Variants in CENPP observed in about 807,000 individuals in gnomAD.
The protein encoded by CENPP is centromere protein P.
In CENPP, 24 loss-of-function variants were observed where a neutral mutation model predicts 35.6. The ratio of observed to expected loss-of-function variants is 0.67; its 90% CI spans 0.49 to 0.95. The LOEUF (loss-of-function observed/expected upper bound fraction) is 0.95. Ranked by LOEUF, CENPP falls within the 40% of genes least tolerant of loss-of-function variation. CENPP has a pLI of 0.00. For synonymous variants in CENPP, 120 were observed against 125.5 expected (o/e 0.96, Z 0.29); for missense variants, 332 against 345.3 (o/e 0.96, Z 0.31).
chr9:92,411,934 C>T (rs909538334), intron 5 of CENPP, among the ~76,000 whole-genome samples: 1 of 152,018 alleles, frequency 6.6e-6, no homozygotes, highest in African/African-American at 2.4e-5. Context: ...TAGTCACTGC[C>T]GCTTTAGCAT....
intron 4 of CENPP, 124 bp from the exon 5 acceptor site, chr9:92,379,639 A>T: frequency 3.2e-6 from 2 of 622,720 alleles, no homozygotes; most frequent in Non-Finnish European, 5.7e-6. Context: ...GCAAGAATTG[A>T]TATGTAGAAC....
intron 5 of CENPP, among the ~76,000 whole-genome samples, chr9:92,441,185 GTTAAAA>G (rs1844378084): frequency 6.6e-6 from 1 of 152,144 alleles, no homozygotes; most frequent in Non-Finnish European, 1.5e-5. Context: ...TAACTACAGT[GTTAAAA>G]TTAATCAAGC....
At chr9:92,609,730 T>G (rs186952329) in intron 5 of CENPP, among the ~76,000 whole-genome samples, 76 of 152,340 alleles carry the variant, frequency 5.0e-4, no homozygotes, top group African/African-American at 1.6e-3. Context: ...AAAGACATTT[T>G]TGTGTGTGTG....
chr9:92,595,697 C>G (rs1241976788), intron 5 of CENPP, among the ~76,000 whole-genome samples: 1 of 151,998 alleles, frequency 6.6e-6, no homozygotes, highest in Non-Finnish European at 1.5e-5. Context: ...TCCCAAGTAG[C>G]TGGGATGACA....
At chr9:92,379,680 A>T in intron 4 of CENPP, 83 bp from the exon 5 acceptor site, 1 of 1,064,516 alleles carries the variant, frequency 9.4e-7, no homozygotes, top group Non-Finnish European at 1.4e-6. Flanking sequence ...AGTGTAGGAT[A>T]CATGAAAAGG....
intron 5 of CENPP, among the ~76,000 whole-genome samples, chr9:92,407,941 C>T (rs1044714757): frequency 6.6e-6 from 1 of 151,948 alleles, no homozygotes; most frequent in African/African-American, 2.4e-5. Flanking sequence ...CAAAAGTGTA[C>T]CATTTGTCTG....
intron 5 of CENPP, among the ~76,000 whole-genome samples, chr9:92,605,002 G>A (rs1851036291): frequency 6.6e-6 from 1 of 151,094 alleles, no homozygotes; most frequent in Admixed American, 6.6e-5. Context: ...CTTTTTTTGA[G>A]ACAACAGAAT....
chr9:92,426,486 T>TAA (rs1843970695), intron 5 of CENPP, among the ~76,000 whole-genome samples: 1 of 152,132 alleles, frequency 6.6e-6, no homozygotes, highest in Non-Finnish European at 1.5e-5. Context: ...GTCTCTGTTA[T>TAA]AGAGAAGGAA....
In CENPP at chr9:92,615,901, T is replaced by G. The variant is rs755845398; in HGVS notation, c.*2752T>G. 6.2e-7 allele frequency: 1 copy of G among 1,614,208 alleles called. No individual in the cohort carries two copies. Among genetic ancestry groups the G allele is most frequent in the Non-Finnish European group, 8.5e-7 (1 of 1,180,038 alleles). ...ACCGAGTCGACATCACGGCGTTGTCTTTGGCACGTACAGTCTTTGAATAAT... is the reference window on the plus strand; with the variant it reads ...ACCGAGTCGACATCACGGCGTTGTCGTTGGCACGTACAGTCTTTGAATAAT... On this transcript the variant is annotated 3_prime_UTR_variant, in exon 8 of 8. Coordinates refer to ENST00000375587, the MANE Select transcript of CENPP (RefSeq NM_001012267.3).
chr9:92,325,708 G>C (rs571626644), upstream of CENPP: 1 of 368,836 alleles, frequency 2.7e-6, no homozygotes, highest in East Asian at 5.3e-5. Context: ...AGGGTGAGCA[G>C]CGGAGCGCTT....
In CENPP at chr9:92,518,002, G is replaced by A; in HGVS notation, c.565-93312G>A. On this transcript the variant is annotated intron_variant, in intron 5 of 7. Transcript: ENST00000375587. ...AGAATAGAATTCTATGTGCATTCAT[G>A]TATAGGGTAAAGATGTCGTATAGAC... 4 of 1,098,156 alleles carry A rather than the reference G, an allele frequency of 3.6e-6. No homozygotes were observed. In the Middle Eastern group the frequency reaches 6.9e-4, roughly 191 times the overall value. 68.0% of individuals were successfully genotyped at this position (1,098,156 alleles called of 1,614,324 possible). A position where few individuals can be genotyped will look rare whatever the true frequency, so the allele number is the denominator to read the frequency against.
chr9:92,619,818 G>A lies in CENPP; in HGVS notation c.*6669G>A. ...TGACCTCTCACGGCAAGCAGTGTGG[G>A]ACCCCGACTCCAGACCCTGAGACGG... On this transcript the variant is annotated 3_prime_UTR_variant, in exon 8 of 8. Transcript: ENST00000375587. 1.9e-6 allele frequency: 1 copy of A among 528,922 alleles called. No homozygotes were observed. The highest frequency in any genetic ancestry group is 3.4e-6 in the Non-Finnish European group (1 of 290,952). 32.8% of individuals were successfully genotyped at this position (528,922 alleles called of 1,614,324 possible).
intron 5 of CENPP, among the ~76,000 whole-genome samples, chr9:92,435,362 T>G (rs959340825): frequency 3.3e-5 from 5 of 152,196 alleles, no homozygotes; most frequent in Non-Finnish European, 7.3e-5. Context: ...TTATTTCAAT[T>G]TCATTATTGA....
At chr9:92,391,300 G>A (rs546651732) in intron 5 of CENPP, among the ~76,000 whole-genome samples, 6 of 152,000 alleles carry the variant, frequency 3.9e-5, no homozygotes, top group African/African-American at 1.4e-4. Context: ...CCAGCTACTC[G>A]GGAAGCTGAG....
Position 92,615,419 on chromosome 9 carries a change from A to T in CENPP, c.*2270A>T, listed in dbSNP as rs552252219. 3.4e-5 allele frequency: 6 copies of T among 175,812 alleles called. No homozygotes were observed. Among genetic ancestry groups the T allele is most frequent in the African/African-American group, 1.4e-4 (6 of 41,786 alleles). 10.9% of individuals were successfully genotyped at this position (175,812 alleles called of 1,614,324 possible). ...GTTCCAGTAGTATCCATGTTTTCTT[A>T]AAAGTCCAAACTGTAAAATGTATGT... On this transcript the variant is annotated 3_prime_UTR_variant, in exon 8 of 8. Coordinates refer to ENST00000375587, the MANE Select transcript of CENPP (RefSeq NM_001012267.3).
At chr9:92,601,041 A>G (rs1413863699) in intron 5 of CENPP, among the ~76,000 whole-genome samples, 1 of 152,124 alleles carries the variant, frequency 6.6e-6, no homozygotes, top group African/African-American at 2.4e-5. Flanking sequence ...TTAGGGGCAG[A>G]CGTGTGTGTC....
chr9:92,443,539 G>A (rs1369476098), intron 5 of CENPP, among the ~76,000 whole-genome samples: 3 of 152,082 alleles, frequency 2.0e-5, no homozygotes, highest in African/African-American at 7.2e-5. Flanking sequence ...AATAATCTCA[G>A]CTTGGTTTTT....
At chr9:92,596,263 A>C (rs567737013) in intron 5 of CENPP, among the ~76,000 whole-genome samples, 2 of 152,184 alleles carry the variant, frequency 1.3e-5, no homozygotes, top group Admixed American at 6.5e-5. Context: ...TCTTCCAAGT[A>C]GCTAGGGCTA....
chr9:92,325,868 T>A (rs556469355), upstream of CENPP: 10 of 680,742 alleles, frequency 1.5e-5, no homozygotes, highest in Admixed American at 2.6e-5. Context: ...CGCGGAGCTC[T>A]CCCGCCTCCC....
Sources: allele counts gnomAD v4.1 joint callset (sites outside exome capture counted in the v4.1 genomes callset), GRCh38; gene constraint gnomAD v4.1.1; transcripts MANE v1.5; gene names NCBI Gene and HGNC (gene_info 2026-07-23, HGNC 2026-07-21).